ADAMTSL1: variants seen among roughly 807,000 people sequenced by gnomAD.
ADAMTSL1 encodes ADAMTS-like protein 1.
A neutral mutation model predicts 201.8 loss-of-function variants in ADAMTSL1; 126 were observed. That is an observed-to-expected ratio of 0.62 (90% confidence interval 0.54 to 0.72). The LOEUF (loss-of-function observed/expected upper bound fraction) is 0.72. Ranked by LOEUF, ADAMTSL1 falls within the 30% of genes least tolerant of loss-of-function variation. The pLI is 0.00. For missense variants in ADAMTSL1, 2,679 were observed against 2,277.8 expected (o/e 1.18, Z -3.59); for synonymous variants, 1,121 against 903.4 (o/e 1.24, Z -4.32).
chr9:18,878,927 A>G (rs1034270483), intron 23 of ADAMTSL1, among the ~76,000 whole-genome samples: 1 of 152,168 alleles, frequency 6.6e-6, no homozygotes, highest in Non-Finnish European at 1.5e-5. Context: ...AGGATCTCTG[A>G]GAGGGCACAA....
At chr9:18,887,145 C>G (rs1828948556) in intron 23 of ADAMTSL1, among the ~76,000 whole-genome samples, 1 of 152,238 alleles carries the variant, frequency 6.6e-6, no homozygotes, top group Non-Finnish European at 1.5e-5. Flanking sequence ...CAAGGAATTT[C>G]TCTCACAACT....
intron 7 of ADAMTSL1, among the ~76,000 whole-genome samples, chr9:18,648,342 A>G (rs1222995614): frequency 6.7e-6 from 1 of 150,354 alleles, no homozygotes; most frequent in East Asian, 2.0e-4. Flanking sequence ...TCTTTATCCA[A>G]TTTGCCAGTC....
At chr9:18,718,848 T>C (rs927538537) in intron 14 of ADAMTSL1, among the ~76,000 whole-genome samples, 17 of 152,362 alleles carry the variant, frequency 1.1e-4, no homozygotes, top group African/African-American at 4.1e-4. Flanking sequence ...GTTGACCCAA[T>C]TTCATAAGGT....
intron 2 of ADAMTSL1, among the ~76,000 whole-genome samples, chr9:18,450,954 A>G (rs1053271010): frequency 3.3e-5 from 5 of 152,226 alleles, no homozygotes; most frequent in Admixed American, 1.3e-4. Flanking sequence ...GTTTGTGGTT[A>G]CTTAATTAAA....
intron 1 of ADAMTSL1, among the ~76,000 whole-genome samples, chr9:18,038,408 A>T (rs1354374486): frequency 6.6e-6 from 1 of 152,192 alleles, no homozygotes; most frequent in Admixed American, 6.5e-5. Flanking sequence ...GAAATCAAGA[A>T]GGCCCTAACC....
intron 15 of ADAMTSL1, among the ~76,000 whole-genome samples, chr9:18,735,755 T>TTC (rs1564192203): frequency 1.4e-5 from 2 of 148,042 alleles, no homozygotes; most frequent in African/African-American, 2.5e-5. Context: ...TTTCTTTTTT[T>TTC]TTTTTTTTTT....
rs397893715 is a variant in ADAMTSL1 at position 18,099,355 on chromosome 9, ATTTTTTTTTT to A, written c.88-64499_88-64490del. 1.6e-3 allele frequency among the ~76,000 whole-genome samples: 73 copies of A among 45,526 alleles called. 4 individuals are homozygous for A. Among genetic ancestry groups the A allele is most frequent in the African/African-American group, 5.2e-3 (64 of 12,312 alleles). The allele number at this position is 45,526 out of a possible 152,430, so 29.9% of individuals were successfully genotyped here. A position where few individuals can be genotyped will look rare whatever the true frequency, so the allele number is the denominator to read the frequency against. ...TATATATATATATATATATATATAT[ATTTTTTTTTT>A]TTTTTTTAACATCCATTAATTTTAC... On this transcript the variant is annotated intron_variant, in intron 1 of 29. Coordinates refer to the ADAMTSL1 transcript ENST00000680146.
At chr9:18,003,404 G>C (rs1819691570) in intron 1 of ADAMTSL1, among the ~76,000 whole-genome samples, 1 of 152,080 alleles carries the variant, frequency 6.6e-6, no homozygotes, top group Non-Finnish European at 1.5e-5. Flanking sequence ...TGCTCCATTT[G>C]TTTCTGTGAA....
chr9:18,452,896 C>G (rs1262097517), intron 2 of ADAMTSL1, among the ~76,000 whole-genome samples: 1 of 152,264 alleles, frequency 6.6e-6, no homozygotes, highest in Non-Finnish European at 1.5e-5. Flanking sequence ...GCCTACAGCT[C>G]TGACAGCCTG....
chr9:18,823,453 T>C (rs1322112723), intron 21 of ADAMTSL1, among the ~76,000 whole-genome samples: 1 of 152,206 alleles, frequency 6.6e-6, no homozygotes, highest in Non-Finnish European at 1.5e-5. Context: ...ATCAAGGGAA[T>C]GGAAGAAGCT....
chr9:18,453,027 G>C (rs902813489), intron 2 of ADAMTSL1, among the ~76,000 whole-genome samples: 1 of 152,212 alleles, frequency 6.6e-6, no homozygotes, highest in Non-Finnish European at 1.5e-5. Context: ...ACAAGTTTCT[G>C]CCTGAGCCCC....
intron 2 of ADAMTSL1, among the ~76,000 whole-genome samples, chr9:18,424,640 T>C (rs1819121952): frequency 1.3e-5 from 2 of 152,122 alleles, no homozygotes; most frequent in African/African-American, 4.8e-5. Flanking sequence ...TATTGTCCTG[T>C]TTATTAGAAA....
chr9:18,656,650 A>AAAAAAAAAAT (rs71506010), intron 7 of ADAMTSL1, among the ~76,000 whole-genome samples: 5 of 148,484 alleles, frequency 3.4e-5, no homozygotes, highest in Admixed American at 1.4e-4. Context: ...AAAAAAGAAA[A>AAAAAAAAAAT]TGTTAAGACT....
At chr9:18,757,666 A>G (rs990545983) in intron 16 of ADAMTSL1, among the ~76,000 whole-genome samples, 1 of 151,978 alleles carries the variant, frequency 6.6e-6, no homozygotes, top group African/African-American at 2.4e-5. Context: ...TGACTCTTCT[A>G]TTATCCTTCT....
rs912357315 is a variant in ADAMTSL1 at position 18,056,049 on chromosome 9, G to T, written c.88-107813G>T. ...CAAAAACAGTTTCCTGGGATCTGCT[G>T]TACAGGTCATGAATCTCTTTTGCTC... On this transcript the variant is annotated intron_variant, in intron 1 of 29. Transcript: ENST00000680146. Among the ~76,000 whole-genome samples, 7 of 152,044 alleles carry T rather than the reference G, an allele frequency of 4.6e-5. No individual in the cohort carries two copies. In the East Asian group the frequency reaches 1.3e-3, roughly 29 times the overall value.
At chr9:18,314,959 G>A (rs977118473) in intron 2 of ADAMTSL1, among the ~76,000 whole-genome samples, 1 of 150,896 alleles carries the variant, frequency 6.6e-6, no homozygotes, top group Non-Finnish European at 1.5e-5. Flanking sequence ...ACCACGCCCG[G>A]CTAATTTTTT....
intron 2 of ADAMTSL1, among the ~76,000 whole-genome samples, chr9:18,226,030 AG>A (rs1830424020): frequency 6.6e-6 from 1 of 152,112 alleles, no homozygotes; most frequent in Non-Finnish European, 1.5e-5. Context: ...ATAGGAATTT[AG>A]GTTAGTTCCT....
At chr9:18,713,691 A>C (rs987560189) in intron 14 of ADAMTSL1, among the ~76,000 whole-genome samples, 5 of 148,806 alleles carry the variant, frequency 3.4e-5, no homozygotes, top group Admixed American at 6.7e-5. Flanking sequence ...ACGGATCAAC[A>C]AGACAGAAAG....
chr9:18,680,310 AGGTGGGAGGCCACC>A lies in ADAMTSL1; in HGVS notation c.1137-1_1149del. On this transcript the variant is annotated splice_acceptor_variant and coding_sequence_variant, in exon 11 of 29. Transcript: ENST00000380548. LOFTEE classifies it high-confidence loss of function. ...CCCTGATGACTCCCCTTGCTTCTGT[AGGTGGGAGGCCACC>A]CCATGGACCGCGTGCTCCTCCTCGT... 1 of 1,613,820 alleles carries A rather than the reference AGGTGGGAGGCCACC, an allele frequency of 6.2e-7. No individual in the cohort carries two copies. The highest frequency in any genetic ancestry group is 2.2e-5 in the East Asian group (1 of 44,864).
Sources: gnomAD v4.1 joint callset for allele counts (sites outside exome capture counted in the v4.1 genomes callset) on GRCh38, gnomAD v4.1.1 for gene constraint, MANE v1.5 for transcripts, NCBI Gene and HGNC (gene_info 2026-07-23, HGNC 2026-07-21) for gene names.